The following KHDRBS2 variants were observed in gnomAD, a reference collection of about 807,000 sequenced individuals.
KHDRBS2 encodes KH RNA binding domain containing, signal transduction associated 2.
In KHDRBS2, 26 loss-of-function variants were observed where a neutral mutation model predicts 44.3. The observed-to-expected ratio is 0.59, with a 90% CI of 0.43 to 0.81. The LOEUF (loss-of-function observed/expected upper bound fraction) is 0.81. KHDRBS2 is among the 40% of genes least tolerant of loss of function. The pLI is 0.00. For synonymous variants in KHDRBS2, 194 were observed against 151.1 expected (o/e 1.28, Z -2.08); for missense variants, 476 against 433.1 (o/e 1.10, Z -0.88).
the KHDRBS2 span, among the ~76,000 whole-genome samples, chr6:61,594,655 C>T: frequency 6.6e-6 from 1 of 151,990 alleles, no homozygotes; most frequent in African/African-American, 2.4e-5. Context: ...CACATTTATG[C>T]AAATATAATG....
At chr6:62,042,820 A>G (rs1202879059) in intron 3 of KHDRBS2, among the ~76,000 whole-genome samples, 1 of 152,154 alleles carries the variant, frequency 6.6e-6, no homozygotes, top group Non-Finnish European at 1.5e-5. Flanking sequence ...TTACTGCATC[A>G]AAGACAGAAA....
At chr6:62,200,839 T>C (rs1245213806) in intron 1 of KHDRBS2, among the ~76,000 whole-genome samples, 1 of 152,182 alleles carries the variant, frequency 6.6e-6, no homozygotes, top group Non-Finnish European at 1.5e-5. Context: ...CCAACCCAAA[T>C]GTCCAACAAT....
intron 2 of KHDRBS2, among the ~76,000 whole-genome samples, chr6:62,076,737 T>C (rs1004344593): frequency 1.3e-5 from 2 of 151,902 alleles, no homozygotes; most frequent in Non-Finnish European, 2.9e-5. Flanking sequence ...GGATGCTCAA[T>C]AGTATTTGCT....
downstream of KHDRBS2, among the ~76,000 whole-genome samples, chr6:61,679,378 G>T (rs553249386): frequency 2.3e-4 from 35 of 151,920 alleles, no homozygotes; most frequent in African/African-American, 8.0e-4. Context: ...TGTTTTAATA[G>T]CCTATAGACC....
chr6:61,923,098 T>A (rs190129581), intron 4 of KHDRBS2, among the ~76,000 whole-genome samples: 227 of 152,206 alleles, frequency 1.5e-3, no homozygotes, highest in Non-Finnish European at 2.9e-3. Context: ...ATTGAATTTC[T>A]GAAGATAAAA....
At chr6:61,922,240 T>C (rs913580434) in intron 4 of KHDRBS2, among the ~76,000 whole-genome samples, 1 of 152,030 alleles carries the variant, frequency 6.6e-6, no homozygotes, top group Non-Finnish European at 1.5e-5. Flanking sequence ...TTCAAAGCAA[T>C]GGACATCAGG....
intron 8 of KHDRBS2, among the ~76,000 whole-genome samples, chr6:61,693,321 C>G (rs891422938): frequency 3.3e-5 from 5 of 151,952 alleles, no homozygotes; most frequent in Admixed American, 3.3e-4. Context: ...TATCTAATAC[C>G]ACAATCTGAG....
intron 2 of KHDRBS2, among the ~76,000 whole-genome samples, chr6:62,170,138 C>T (rs1819701195): frequency 6.6e-6 from 1 of 151,968 alleles, no homozygotes; most frequent in African/African-American, 2.4e-5. Context: ...TGGGGAAGCA[C>T]CCAGACAGTC....
At chr6:61,746,331 C>T (rs957441723) in intron 6 of KHDRBS2, among the ~76,000 whole-genome samples, 1 of 152,066 alleles carries the variant, frequency 6.6e-6, no homozygotes, top group Non-Finnish European at 1.5e-5. Flanking sequence ...CGACAGGCCA[C>T]TGTGTGTGAT....
At chr6:61,933,375 T>G (rs1054020087) in intron 4 of KHDRBS2, among the ~76,000 whole-genome samples, 1 of 149,872 alleles carries the variant, frequency 6.7e-6, no homozygotes, top group East Asian at 2.0e-4. Context: ...ATGAGACACA[T>G]AGCTTGATTG....
chr6:62,187,220 C>T (rs1378011530), intron 1 of KHDRBS2, among the ~76,000 whole-genome samples: 1 of 152,108 alleles, frequency 6.6e-6, no homozygotes, highest in Admixed American at 6.6e-5. Context: ...ATATTACCTA[C>T]ATTATACAAA....
chr6:62,248,550 G>C (rs906286956), intron 1 of KHDRBS2, among the ~76,000 whole-genome samples: 2 of 151,770 alleles, frequency 1.3e-5, no homozygotes, highest in Non-Finnish European at 2.9e-5. Context: ...GTAGAGACGG[G>C]GTTTCACCAC....
intron 6 of KHDRBS2, among the ~76,000 whole-genome samples, chr6:61,787,957 G>A (rs924004711): frequency 6.6e-6 from 1 of 151,508 alleles, no homozygotes; most frequent in Non-Finnish European, 1.5e-5. Context: ...ACACATAGGC[G>A]TGCACCACAT....
At chr6:62,115,217 A>G (rs1243402888) in intron 2 of KHDRBS2, among the ~76,000 whole-genome samples, 1 of 152,156 alleles carries the variant, frequency 6.6e-6, no homozygotes, top group African/African-American at 2.4e-5. Flanking sequence ...TTTGAGTATG[A>G]AGCACAATTA....
chr6:62,033,699 T>C (rs1389231470), intron 3 of KHDRBS2, among the ~76,000 whole-genome samples: 1 of 150,866 alleles, frequency 6.6e-6, no homozygotes, highest in East Asian at 1.9e-4. Context: ...CATATATATA[T>C]ATGCAAACAT....
intron 6 of KHDRBS2, among the ~76,000 whole-genome samples, chr6:61,753,891 G>A (rs778446827): frequency 6.6e-6 from 1 of 152,132 alleles, no homozygotes; most frequent in Non-Finnish European, 1.5e-5. Context: ...ACCATCAGAA[G>A]TGTCTTATAA....
chr6:61,894,605 C>A (rs752348054), intron 6 of KHDRBS2, 30 bp downstream of exon 6: 19 of 1,571,170 alleles, frequency 1.2e-5, no homozygotes, highest in Non-Finnish European at 1.5e-5. Context: ...TTTAACTCAT[C>A]CTTACAACTT....
At chr6:61,860,712 T>C (rs1796822329) in intron 6 of KHDRBS2, among the ~76,000 whole-genome samples, 1 of 152,094 alleles carries the variant, frequency 6.6e-6, no homozygotes. Context: ...TAGAATGGTT[T>C]CTCTTCCTTT....
intron 2 of KHDRBS2, among the ~76,000 whole-genome samples, chr6:62,074,194 C>T (rs758907851): frequency 2.6e-5 from 4 of 151,798 alleles, no homozygotes; most frequent in Admixed American, 1.3e-4. Flanking sequence ...TCTAATCAAA[C>T]ACAAATTAAA....
Sources: allele counts gnomAD v4.1 joint callset (sites outside exome capture counted in the v4.1 genomes callset), GRCh38; gene constraint gnomAD v4.1.1; transcripts MANE v1.5; gene names NCBI Gene and HGNC (gene_info 2026-07-23, HGNC 2026-07-21).